Variants in GLOD4 observed in about 807,000 individuals in gnomAD.
GLOD4 encodes glyoxalase domain-containing protein 4.
Under a neutral mutation model 39.1 loss-of-function variants are expected in GLOD4, and 44 were observed. That is an observed-to-expected ratio of 1.13 (90% CI 0.88 to 1.45). The LOEUF (loss-of-function observed/expected upper bound fraction) is 1.45. Among genes scored for constraint, GLOD4 ranks in the 40% most tolerant of loss-of-function variants. The pLI, the probability that GLOD4 is intolerant of heterozygous loss-of-function variation, is 0.00. For synonymous variants in GLOD4, 145 were observed against 135.0 expected (o/e 1.07, Z -0.52); for missense variants, 405 against 366.4 (o/e 1.11, Z -0.86).
upstream of GLOD4, among the ~76,000 whole-genome samples, chr17:785,017 T>G (rs1236985812): frequency 6.6e-6 from 1 of 152,210 alleles, no homozygotes; most frequent in African/African-American, 2.4e-5. Flanking sequence ...TCTCCTGACT[T>G]CAGTCAGTAG....
chr17:759,506 C>T lies in GLOD4; in HGVS notation c.*667G>A, dbSNP rs1037668803. On this transcript the variant is annotated 3_prime_UTR_variant, in exon 9 of 9. Coordinates refer to ENST00000301329, the MANE Select transcript of GLOD4 (RefSeq NM_016080.4). ...AAAGAAATCTCACATGATGTTCTGT[C>T]GGGATTAAAAATATACACGGAAAAA... 3.3e-5 allele frequency: 5 copies of T among 151,820 alleles called. No individual in the cohort carries two copies. The highest frequency in any genetic ancestry group is 4.8e-5 in the African/African-American group (2 of 41,292). 9.4% of individuals were successfully genotyped at this position (151,820 alleles called of 1,614,324 possible).
chr17:780,519 T>C (rs1909702162), intron 1 of GLOD4: 1 of 152,168 alleles, frequency 6.6e-6, no homozygotes, highest in African/African-American at 2.4e-5. Context: ...CCTGTGGATA[T>C]CCTATCTTTA....
rs1420092495 is a variant in GLOD4 at position 771,081 on chromosome 17, T to G, written c.543+244A>C. 4 of 317,714 alleles carry G rather than the reference T, an allele frequency of 1.3e-5. No homozygotes were observed. The Admixed American group carries it at 2.0e-4, about 16-fold the overall frequency. 19.7% of individuals were successfully genotyped at this position (317,714 alleles called of 1,614,324 possible). On this transcript the variant is annotated intron_variant, in intron 5 of 8. Transcript: ENST00000301329. ...AAGATCTTGCATTAAATCCATTCAATCTCTTGGATTAAGCAATTCCACTTC... is the reference window on the plus strand; with the variant it reads ...AAGATCTTGCATTAAATCCATTCAAGCTCTTGGATTAAGCAATTCCACTTC...
At chr17:762,463 A>G (rs1159226185) in intron 8 of GLOD4, among the ~76,000 whole-genome samples, 2 of 150,930 alleles carry the variant, frequency 1.3e-5, no homozygotes, top group Non-Finnish European at 2.9e-5. Context: ...ATGAAGGGGA[A>G]TAATTTCATC....
intron 4 of GLOD4, among the ~76,000 whole-genome samples, chr17:772,354 C>A: frequency 6.6e-6 from 1 of 150,732 alleles, no homozygotes. Context: ...AGAATGAAAC[C>A]ATGAAAATAC....
At chr17:770,316 A>G in intron 6 of GLOD4, 105 bp downstream of exon 6, 1 of 783,326 alleles carries the variant, frequency 1.3e-6, no homozygotes, top group Non-Finnish European at 2.3e-6. Context: ...TGAACTTGAT[A>G]CTAAAGCCAC....
chr17:783,333 T>G, upstream of GLOD4: 9 of 1,585,230 alleles, frequency 5.7e-6, no homozygotes, highest in Non-Finnish European at 7.7e-6. Context: ...AATGGGTTAG[T>G]GATTACCCAG....
chr17:773,460 T>G (rs1232198856), intron 4 of GLOD4, among the ~76,000 whole-genome samples: 1 of 152,220 alleles, frequency 6.6e-6, no homozygotes, highest in Non-Finnish European at 1.5e-5. Context: ...GACAAAAGAT[T>G]GGAAAGATAT....
At chr17:780,163 C>A (rs1266130112) in intron 1 of GLOD4, among the ~76,000 whole-genome samples, 1 of 151,582 alleles carries the variant, frequency 6.6e-6, no homozygotes, top group Non-Finnish European at 1.5e-5. Context: ...GACTCCGTCT[C>A]AACATAAAAA....
chr17:772,372 A>C (rs1185685435), intron 4 of GLOD4, among the ~76,000 whole-genome samples: 4 of 152,076 alleles, frequency 2.6e-5, no homozygotes, highest in Non-Finnish European at 4.4e-5. Flanking sequence ...TACTAGATAC[A>C]GATGATTATT....
Position 760,225 on chromosome 17 carries a change from T to C in GLOD4, c.845A>G (p.Asp282Gly), listed in dbSNP as rs780127372. 9.5e-6 allele frequency: 15 copies of C among 1,584,032 alleles called. No individual in the cohort carries two copies. The South Asian group carries it at 1.7e-4, about 17-fold the overall frequency. The change falls in exon 9 of 9, where the codon GAT becomes GGT. Residue 282 changes from aspartate (D) to glycine (G), a missense_variant. Transcript: ENST00000301329. The part of the protein sequence containing the change: ...SKLLDDAMAA[D>G]KSDEWFAKHN... ...TTTGGCAAACCACTCGTCACTTTTA[T>C]CTGCTGCCATTGCCTGTAAAATAGA...
chr17:773,308 G>T (rs370412157), intron 4 of GLOD4, among the ~76,000 whole-genome samples: 264 of 152,252 alleles, frequency 1.7e-3, no homozygotes, highest in African/African-American at 5.8e-3. Context: ...CACCAGTGTT[G>T]CTTAGAACAA....
chr17:762,337 G>A (rs1046947031), intron 8 of GLOD4, among the ~76,000 whole-genome samples: 3 of 152,248 alleles, frequency 2.0e-5, no homozygotes, highest in Non-Finnish European at 4.4e-5. Flanking sequence ...TCACAGACAC[G>A]CTGTACTGTC....
At chr17:777,555 T>A (rs888034200) in intron 2 of GLOD4, 1 of 152,288 alleles carries the variant, frequency 6.6e-6, no homozygotes, top group South Asian at 2.1e-4. Flanking sequence ...GGGAGGAGAA[T>A]TGCTTGAACT....
Position 775,911 on chromosome 17 carries a change from C to A in GLOD4, c.270G>T (p.Thr90=). ...TGCTGACAGCCTGGCTAGAAGCGAG[C>A]GTGATTCCCTACAACAAACAACAGT... ...YKLGNDFMGI[T]LASSQAVSNA... Residue 90 remains threonine, a synonymous_variant, in exon 4 of 9, where the codon ACG becomes ACT. Transcript: ENST00000301329. 6.2e-7 allele frequency: 1 copy of A among 1,612,600 alleles called. No individual in the cohort carries two copies. The highest frequency in any genetic ancestry group is 8.5e-7 in the Non-Finnish European group (1 of 1,178,630).
chr17:778,310 C>T (rs1909296916), intron 2 of GLOD4: 2 of 348,466 alleles, frequency 5.7e-6, no homozygotes, highest in Non-Finnish European at 1.0e-5. Flanking sequence ...GGAAAATCTT[C>T]TGGGACTGAG....
intron 1 of GLOD4, chr17:781,891 C>T (rs1910024770): frequency 2.2e-6 from 1 of 456,206 alleles, no homozygotes; most frequent in Non-Finnish European, 3.9e-6. Flanking sequence ...GTAAGCTCCA[C>T]AAGGGCGGGG....
intron 1 of GLOD4, among the ~76,000 whole-genome samples, chr17:780,067 G>A (rs1209075140): frequency 6.6e-6 from 1 of 152,180 alleles, no homozygotes; most frequent in Non-Finnish European, 1.5e-5. Flanking sequence ...GGGAGGCTGA[G>A]GCAGGAGAAT....
chr17:781,844 T>C (rs2144499451), intron 1 of GLOD4: 2 of 356,294 alleles, frequency 5.6e-6, no homozygotes, highest in East Asian at 9.8e-5. Flanking sequence ...TAGAAAGCAT[T>C]ATATAACATT....
Sources: allele counts gnomAD v4.1 joint callset (sites outside exome capture counted in the v4.1 genomes callset), GRCh38; gene constraint gnomAD v4.1.1; transcripts MANE v1.5; gene names NCBI Gene and HGNC (gene_info 2026-07-23, HGNC 2026-07-21).